ALG14: variants seen among roughly 807,000 people sequenced by gnomAD.
ALG14 encodes UDP-N-acetylglucosamine transferase subunit ALG14.
A neutral mutation model predicts 22.8 loss-of-function variants in ALG14; 17 were observed. The ratio of observed to expected loss-of-function variants is 0.75; its 90% CI spans 0.51 to 1.12. ALG14 has a LOEUF of 1.12. ALG14 is among the 50% of genes most tolerant of loss of function. ALG14 has a pLI of 0.00. For synonymous variants in ALG14, 89 were observed against 103.7 expected, an observed-to-expected ratio of 0.86 and a Z score of 0.86; for missense variants, 288 against 271.8, an observed-to-expected ratio of 1.06 and a Z score of -0.42.
At chr1:95,061,480 TGAGA>T (rs145444454) in intron 2 of ALG14, 16 of 148,044 alleles carry the variant, frequency 1.1e-4, no homozygotes, top group African/African-American at 3.0e-4. Flanking sequence ...CAAACAGCCT[TGAGA>T]GAGAGAGAGA....
chr1:95,009,240 T>C (rs1287722033), intron 3 of ALG14, among the ~76,000 whole-genome samples: 2 of 150,484 alleles, frequency 1.3e-5, no homozygotes, highest in African/African-American at 2.4e-5. Context: ...ATTTTATTTA[T>C]AATCATGTTT....
intron 2 of ALG14, among the ~76,000 whole-genome samples, 191 bp downstream of exon 2, chr1:95,064,675 A>AT (rs753211846): frequency 1.3e-5 from 2 of 152,118 alleles, no homozygotes; most frequent in South Asian, 4.1e-4. Context: ...CTAAGCAACC[A>AT]TTTTTTAATT....
chr1:95,005,391 C>T (rs1235821345), intron 3 of ALG14, among the ~76,000 whole-genome samples: 3 of 152,166 alleles, frequency 2.0e-5, no homozygotes, highest in Non-Finnish European at 1.5e-5. Context: ...AGAGTCAGGA[C>T]ATGTTTCTAA....
At chr1:95,065,196 A>T (rs1277250314) in intron 1 of ALG14, among the ~76,000 whole-genome samples, 179 bp from the exon 2 acceptor site, 2 of 152,212 alleles carry the variant, frequency 1.3e-5, no homozygotes, top group African/African-American at 4.8e-5. Context: ...TATAAATACA[A>T]CTTTTATATC....
intron 2 of ALG14, among the ~76,000 whole-genome samples, chr1:95,053,714 C>T (rs1261987410): frequency 1.3e-5 from 2 of 152,288 alleles, no homozygotes; most frequent in East Asian, 3.9e-4. Flanking sequence ...GTATGAGCCA[C>T]AGCACTCAGC....
At position 94,978,871 on chromosome 1, in the gene ALG14, G is replaced by A. The variant is rs1672445524; in HGVS notation, c.*4205C>T. Reference sequence around the variant, plus strand: ...AAAAAAAAAAAAAACACCTAACGTAGCTATTAAGGTAAGCCTGGCTGGAGC... The same window carrying A: ...AAAAAAAAAAAAAACACCTAACGTAACTATTAAGGTAAGCCTGGCTGGAGC... On this transcript the variant is annotated 3_prime_UTR_variant, in exon 4 of 4. Transcript: ENST00000370205. 6.7e-6 allele frequency: 1 copy of A among 148,450 alleles called. No individual in the cohort carries two copies. Among genetic ancestry groups the A allele is most frequent in the South Asian group, 2.1e-4 (1 of 4,666 alleles). 9.2% of individuals were successfully genotyped at this position (148,450 alleles called of 1,614,324 possible). A position where few individuals can be genotyped will look rare whatever the true frequency, so the allele number is the denominator to read the frequency against.
At chr1:95,020,468 G>A (rs1673630046) in intron 3 of ALG14, among the ~76,000 whole-genome samples, 1 of 151,636 alleles carries the variant, frequency 6.6e-6, no homozygotes, top group South Asian at 2.1e-4. Flanking sequence ...GCCAGGCGCA[G>A]TGGCTCACTC....
intron 2 of ALG14, among the ~76,000 whole-genome samples, chr1:95,031,600 C>T (rs1674003761): frequency 6.6e-6 from 1 of 152,180 alleles, no homozygotes; most frequent in South Asian, 2.1e-4. Context: ...TGTAGCATAT[C>T]CGTTCTCCTC....
At chr1:95,019,155 G>A (rs545174481) in intron 3 of ALG14, among the ~76,000 whole-genome samples, 1 of 152,324 alleles carries the variant, frequency 6.6e-6, no homozygotes, top group South Asian at 2.1e-4. Context: ...AATGGAATTT[G>A]CTGCCCTTTG....
At chr1:94,999,256 C>T (rs1672993327) in intron 3 of ALG14, among the ~76,000 whole-genome samples, 1 of 150,048 alleles carries the variant, frequency 6.7e-6, no homozygotes, top group Admixed American at 6.6e-5. Context: ...CCCTCCACCC[C>T]CACCAAAAAA....
intron 3 of ALG14, among the ~76,000 whole-genome samples, chr1:95,004,068 T>C (rs1673140313): frequency 6.6e-6 from 1 of 152,132 alleles, no homozygotes; most frequent in Admixed American, 6.6e-5. Context: ...ATTCCCAATA[T>C]CTTTATGAGG....
chr1:95,044,636 T>G (rs1674486754), intron 2 of ALG14, among the ~76,000 whole-genome samples: 3 of 152,078 alleles, frequency 2.0e-5, no homozygotes, highest in African/African-American at 7.2e-5. Flanking sequence ...CCCATCAAAA[T>G]TCCCAGTTCC....
At chr1:94,997,865 T>C (rs539301348) in intron 3 of ALG14, among the ~76,000 whole-genome samples, 38 of 152,282 alleles carry the variant, frequency 2.5e-4, no homozygotes, top group African/African-American at 8.7e-4. Context: ...ATCTGTATGA[T>C]TGATGTTCTT....
At chr1:94,995,788 C>T (rs905536284) in intron 3 of ALG14, among the ~76,000 whole-genome samples, 1 of 152,208 alleles carries the variant, frequency 6.6e-6, no homozygotes, top group Non-Finnish European at 1.5e-5. Context: ...CCAATAAAAA[C>T]GTCCTTCACT....
intron 3 of ALG14, among the ~76,000 whole-genome samples, chr1:94,984,499 C>G (rs1672587136): frequency 6.6e-6 from 1 of 152,212 alleles, no homozygotes; most frequent in Non-Finnish European, 1.5e-5. Context: ...ACACCATTCA[C>G]AGAGCTTTGG....
intron 3 of ALG14, among the ~76,000 whole-genome samples, chr1:95,000,772 C>T (rs1338445527): frequency 2.5e-5 from 3 of 119,620 alleles, no homozygotes; most frequent in Non-Finnish European, 5.0e-5. Context: ...ACCAATATGC[C>T]ACACTAAAAA....
rs529363295 is a variant in ALG14 at position 94,977,087 on chromosome 1, G to A, written c.*5989C>T. ...TTGAGCAGAAAACCTTCTTTGCCTGGATTTCTAACCTACAGAGATAATGTA... is the reference window on the plus strand; with the variant it reads ...TTGAGCAGAAAACCTTCTTTGCCTGAATTTCTAACCTACAGAGATAATGTA... On this transcript the variant is annotated 3_prime_UTR_variant, in exon 4 of 4. Transcript: ENST00000370205. The A allele has an allele frequency of 6.6e-6, 1 of 152,332 alleles. No homozygotes were observed. Among genetic ancestry groups the A allele is most frequent in the South Asian group, 2.1e-4 (1 of 4,828 alleles). The allele number at this position is 152,332 out of a possible 1,614,324, so 9.4% of individuals were successfully genotyped here.
rs1016241696 is a variant in ALG14 at position 94,993,456 on chromosome 1, G to A, written c.421-10150C>T. Among the ~76,000 whole-genome samples the A allele has an allele frequency of 1.6e-4, 24 of 145,872 alleles. No individual in the cohort carries two copies. The East Asian group carries it at 4.8e-3, about 29-fold the overall frequency. ...TATATACATTTATATAATATATAAA[G>A]ATATTTGTAATTTATATATATTTAT... On this transcript the variant is annotated intron_variant, in intron 3 of 3. Transcript: ENST00000370205.
At chr1:94,991,392 T>A (rs1268268910) in intron 3 of ALG14, among the ~76,000 whole-genome samples, 1 of 152,204 alleles carries the variant, frequency 6.6e-6, no homozygotes, top group Non-Finnish European at 1.5e-5. Context: ...GCCTACTACT[T>A]CTCCTAGACC....
Sources: allele counts gnomAD v4.1 joint callset (sites outside exome capture counted in the v4.1 genomes callset), GRCh38; gene constraint gnomAD v4.1.1; transcripts MANE v1.5; gene names NCBI Gene and HGNC (gene_info 2026-07-23, HGNC 2026-07-21).